Variants in POLR1A observed in about 807,000 individuals in gnomAD.
POLR1A encodes the protein DNA-directed RNA polymerase I subunit RPA1.
Under a neutral mutation model 205.3 loss-of-function variants are expected in POLR1A, and 84 were observed. The observed-to-expected ratio is 0.41, with a 90% CI of 0.34 to 0.49. POLR1A has a LOEUF of 0.49. Ranked by LOEUF, POLR1A falls within the 20% of genes least tolerant of loss-of-function variation. POLR1A has a pLI of 0.22. For synonymous variants in POLR1A, 799 were observed against 863.7 expected (o/e 0.93, Z 1.31); for missense variants, 1,645 against 2,204.5 (o/e 0.75, Z 5.08).
intron 13 of POLR1A, among the ~76,000 whole-genome samples, chr2:86,066,087 A>G (rs1270168941): frequency 6.6e-6 from 1 of 152,202 alleles, no homozygotes; most frequent in Non-Finnish European, 1.5e-5. Flanking sequence ...GGTGGGTCAT[A>G]ATATAGACTT....
intron 6 of POLR1A, among the ~76,000 whole-genome samples, chr2:86,084,213 C>T (rs967053731): frequency 5.9e-5 from 9 of 152,096 alleles, no homozygotes; most frequent in Admixed American, 3.3e-4. Context: ...TTGCAGTGAG[C>T]GGAGATTGTG....
chr2:86,039,380 G>A lies in POLR1A; in HGVS notation c.3823C>T (p.Leu1275=), dbSNP rs1672557155. ...TTCTTCAGGCTTTTCACTCTCTTCAGGGCTTTCTTGGTGTTGAGCACGGGC... is the reference window on the plus strand; with the variant it reads ...TTCTTCAGGCTTTTCACTCTCTTCAAGGCTTTCTTGGTGTTGAGCACGGGC... ...SVPVLNTKKA[L]KRVKSLKKQL... is the part of the protein sequence containing the mutation. Residue 1275 remains leucine (L), a synonymous_variant, in exon 26 of 34, where the codon CTG becomes TTG. Coordinates refer to ENST00000263857, the MANE Select transcript of POLR1A (RefSeq NM_015425.6). The A allele has an allele frequency of 2.5e-6, 4 of 1,614,144 alleles. No individual in the cohort carries two copies. In the East Asian group the frequency reaches 8.9e-5, roughly 36 times the overall value.
intron 13 of POLR1A, among the ~76,000 whole-genome samples, chr2:86,068,386 C>CGGGGGGGGCGG (rs1553436018): frequency 9.8e-4 from 12 of 12,238 alleles, no homozygotes; most frequent in African/African-American, 5.4e-3. Context: ...AGCACATGGG[C>CGGGGGGGGCGG]GGGGGGGGGG....
Position 86,052,813 on chromosome 2 carries a change from T to C in POLR1A, c.2392+4A>G. 6.6e-7 allele frequency: 1 copy of C among 1,515,424 alleles called. No homozygotes were observed. Among genetic ancestry groups the C allele is most frequent in the Non-Finnish European group, 8.9e-7 (1 of 1,127,610 alleles). The allele number at this position is 1,515,424 out of a possible 1,614,324, so 93.9% of individuals were successfully genotyped here. ...TGCCCCAGGGCAGCGAGCCCGGCAC[T>C]TACCCAAGGTGAAGCCTCTGTAGAG... On this transcript the variant is annotated splice_donor_region_variant and intron_variant, in intron 16 of 33. Coordinates refer to ENST00000263857, the MANE Select transcript of POLR1A (RefSeq NM_015425.6).
intron 6 of POLR1A, among the ~76,000 whole-genome samples, chr2:86,084,484 A>G (rs1673464930): frequency 6.6e-6 from 1 of 152,104 alleles, no homozygotes; most frequent in Non-Finnish European, 1.5e-5. Context: ...ATCCACTGAA[A>G]CTAAGCATTA....
Position 86,037,524 on chromosome 2 carries a change from T to G in POLR1A, c.4034+1176A>C, listed in dbSNP as rs1384556490. Reference sequence around the variant, plus strand: ...CCTGCCCCCGTGACTCAGCGACGAATGGGCATGGCTCAGTATGTGTTTGTG... The same window carrying G: ...CCTGCCCCCGTGACTCAGCGACGAAGGGGCATGGCTCAGTATGTGTTTGTG... On this transcript the variant is annotated intron_variant, in intron 27 of 33. Coordinates refer to ENST00000263857, the MANE Select transcript of POLR1A (RefSeq NM_015425.6). 2.0e-5 allele frequency among the ~76,000 whole-genome samples: 3 copies of G among 152,362 alleles called. No homozygotes were observed. The East Asian group carries it at 5.8e-4, about 29-fold the overall frequency.
intron 14 of POLR1A, among the ~76,000 whole-genome samples, chr2:86,064,736 G>A (rs1385089597): frequency 1.3e-5 from 2 of 151,784 alleles, no homozygotes; most frequent in African/African-American, 2.4e-5. Flanking sequence ...AGAAGCAAAG[G>A]ACAGAAACTA....
Position 86,105,791 on chromosome 2 carries a change from T to G in POLR1A, c.-15A>C. 5 of 1,610,682 alleles carry G rather than the reference T, an allele frequency of 3.1e-6. No homozygotes were observed. Among genetic ancestry groups the G allele is most frequent in the Non-Finnish European group, 4.2e-6 (5 of 1,176,892 alleles). ...GAGATCAACATCCTCCAGGTCCGTT[T>G]TGAATTCCGACACCCCAAGAGACGT... On this transcript the variant is annotated 5_prime_UTR_variant, in exon 1 of 34. Transcript: ENST00000263857.
rs936830132 is a variant in POLR1A at position 86,084,004 on chromosome 2, A to G, written c.731-836T>C. ...AAGACAAGTAAGTAGTGTGTCTTTC[A>G]GGTTCAAAACTTTCTGGGCACTTTG... On this transcript the variant is annotated intron_variant, in intron 6 of 33. Coordinates refer to ENST00000263857, the MANE Select transcript of POLR1A (RefSeq NM_015425.6). Among the ~76,000 whole-genome samples the G allele has an allele frequency of 3.6e-4, 55 of 152,114 alleles. 1 individual carries two copies. The highest frequency in any genetic ancestry group is 8.8e-5 in the Non-Finnish European group (6 of 68,014).
In POLR1A at chr2:86,042,962, T is replaced by A; in HGVS notation, c.3357+12A>T. On this transcript the variant is annotated intron_variant, in intron 23 of 33. Transcript: ENST00000263857. ...CGTGCTGGACATTAAGGACACCACC[T>A]CCCTGCATCACCTCCTGAGTCCCAG... The A allele has an allele frequency of 6.3e-7, 1 of 1,598,714 alleles. No homozygotes were observed. The highest frequency in any genetic ancestry group is 1.1e-5 in the South Asian group (1 of 90,764).
intron 11 of POLR1A, among the ~76,000 whole-genome samples, chr2:86,075,914 C>T (rs1381202789): frequency 1.3e-5 from 2 of 152,158 alleles, no homozygotes; most frequent in East Asian, 3.8e-4. Context: ...AATGCCTGTC[C>T]TCAAATACCC....
intron 30 of POLR1A, among the ~76,000 whole-genome samples, chr2:86,030,912 G>T (rs1360037743): frequency 1.3e-5 from 2 of 152,214 alleles, no homozygotes; most frequent in Non-Finnish European, 2.9e-5. Flanking sequence ...CTGCCTGAGG[G>T]CACGAACAGT....
Position 86,023,614 on chromosome 2 carries a change from A to G in POLR1A, c.*3809T>C, listed in dbSNP as rs1436939470. ...TGTGGAGAAATTGAAATTGTTGTAC[A>G]CCGTTGGTGGGAACATAAAATGGTG... On this transcript the variant is annotated 3_prime_UTR_variant, in exon 34 of 34. Transcript: ENST00000263857. 2 of 152,188 alleles carry G rather than the reference A, an allele frequency of 1.3e-5. No individual in the cohort carries two copies. Among genetic ancestry groups the G allele is most frequent in the Non-Finnish European group, 2.9e-5 (2 of 68,030 alleles). 9.4% of individuals were successfully genotyped at this position (152,188 alleles called of 1,614,324 possible).
intron 17 of POLR1A, 55 bp from the exon 18 acceptor site, chr2:86,049,097 G>A: frequency 6.2e-7 from 1 of 1,612,762 alleles, no homozygotes; most frequent in South Asian, 1.1e-5. Flanking sequence ...GAGAGTGTGG[G>A]TTTTGACTCA....
intron 13 of POLR1A, among the ~76,000 whole-genome samples, chr2:86,066,610 T>C (rs1364540192): frequency 6.6e-6 from 1 of 152,230 alleles, no homozygotes; most frequent in Non-Finnish European, 1.5e-5. Context: ...TGTTAAATAC[T>C]AGCCAACAGT....
intron 3 of POLR1A, among the ~76,000 whole-genome samples, chr2:86,090,197 C>A (rs1271309645): frequency 6.6e-6 from 1 of 151,982 alleles, no homozygotes; most frequent in Non-Finnish European, 1.5e-5. Context: ...AGTTTGAGAC[C>A]AGCCTGAGCA....
intron 1 of POLR1A, 117 bp downstream of exon 1, chr2:86,105,583 G>T: frequency 1.5e-6 from 1 of 668,078 alleles, no homozygotes; most frequent in Non-Finnish European, 2.6e-6. Flanking sequence ...AGCAGGACAA[G>T]CGCCAGACAA....
At chr2:86,035,105 A>T (rs901781414) in intron 27 of POLR1A, among the ~76,000 whole-genome samples, 1 of 152,236 alleles carries the variant, frequency 6.6e-6, no homozygotes, top group Non-Finnish European at 1.5e-5. Context: ...TCCTGACCTC[A>T]GGTGATCCAC....
intron 16 of POLR1A, among the ~76,000 whole-genome samples, chr2:86,050,098 A>T (rs1221561731): frequency 6.6e-6 from 1 of 151,982 alleles, no homozygotes; most frequent in Non-Finnish European, 1.5e-5. Flanking sequence ...TTGTATTTTT[A>T]GTACAGACAG....
Sources: allele counts gnomAD v4.1 joint callset (sites outside exome capture counted in the v4.1 genomes callset), GRCh38; gene constraint gnomAD v4.1.1; transcripts MANE v1.5; gene names NCBI Gene and HGNC (gene_info 2026-07-23, HGNC 2026-07-21).